EEIG2: variants seen among roughly 807,000 people sequenced by gnomAD.
EEIG2 encodes the protein family with sequence similarity 102 member B.
the EEIG2 span, chr1:108,637,897 A>C: frequency 6.6e-6 from 1 of 152,526 alleles, no homozygotes. Flanking sequence ...TTACACTCGA[A>C]TTGTTGACTC....
chr1:108,574,223 A>T, the EEIG2 span, among the ~76,000 whole-genome samples: 1 of 152,134 alleles, frequency 6.6e-6, no homozygotes, highest in East Asian at 1.9e-4. Flanking sequence ...AACATGGGTG[A>T]ACATTGAGGA....
At chr1:108,620,756 G>T in the EEIG2 span, among the ~76,000 whole-genome samples, 1 of 151,954 alleles carries the variant, frequency 6.6e-6, no homozygotes, top group Non-Finnish European at 1.5e-5. Context: ...ATTCTTCCAG[G>T]GTCCCAGGAT....
the EEIG2 span, among the ~76,000 whole-genome samples, chr1:108,608,744 G>A: frequency 6.6e-6 from 1 of 152,186 alleles, no homozygotes; most frequent in Non-Finnish European, 1.5e-5. Flanking sequence ...AATAGGGGCT[G>A]TCTTAGTTAG....
the EEIG2 span, among the ~76,000 whole-genome samples, chr1:108,604,553 G>A: frequency 6.6e-6 from 1 of 152,170 alleles, no homozygotes; most frequent in Non-Finnish European, 1.5e-5. Context: ...CGAGAGTGAG[G>A]AGTTGCCAGT....
chr1:108,613,157 C>A, the EEIG2 span, among the ~76,000 whole-genome samples: 1 of 152,156 alleles, frequency 6.6e-6, no homozygotes, highest in African/African-American at 2.4e-5. Flanking sequence ...GGAAAATGTT[C>A]AGAAGACAAG....
At chr1:108,635,273 G>C in the EEIG2 span, 1 of 1,314,068 alleles carries the variant, frequency 7.6e-7, no homozygotes, top group African/African-American at 1.5e-5. Flanking sequence ...AGCCAATGCT[G>C]GTTTCTTCTC....
the EEIG2 span, among the ~76,000 whole-genome samples, chr1:108,618,700 G>A: frequency 2.6e-5 from 4 of 152,036 alleles, no homozygotes; most frequent in African/African-American, 4.8e-5. Context: ...AAAATCAGGC[G>A]TGGTGATGCA....
At chr1:108,625,772 CTCTGTGTGTGTG>C in the EEIG2 span, 69 of 109,394 alleles carry the variant, frequency 6.3e-4, 1 homozygote, top group South Asian at 5.3e-3. Context: ...CTCTCTCTCT[CTCTGTGTGTGTG>C]TGTGTGTGTG....
the EEIG2 span, among the ~76,000 whole-genome samples, chr1:108,603,896 G>C: frequency 6.6e-6 from 1 of 152,216 alleles, no homozygotes; most frequent in East Asian, 1.9e-4. Flanking sequence ...ACTGAAGAGA[G>C]CATTGGTAAA....
the EEIG2 span, among the ~76,000 whole-genome samples, chr1:108,562,458 C>T: frequency 6.6e-6 from 1 of 152,108 alleles, no homozygotes; most frequent in African/African-American, 2.4e-5. Flanking sequence ...AACCAAAAAG[C>T]CATATAGTAT....
chr1:108,628,542 A>T, the EEIG2 span: 1 of 1,613,774 alleles, frequency 6.2e-7, no homozygotes, highest in African/African-American at 1.3e-5. Flanking sequence ...CCAAATCTTG[A>T]TACAGCTGAT....
At chr1:108,618,596 T>C in the EEIG2 span, among the ~76,000 whole-genome samples, 1 of 151,994 alleles carries the variant, frequency 6.6e-6, no homozygotes, top group African/African-American at 2.4e-5. Context: ...AGCTGTAACT[T>C]AGAAAGCAAC....
At chr1:108,560,482 C>G in the EEIG2 span, 5 of 1,613,336 alleles carry the variant, frequency 3.1e-6, no homozygotes, top group African/African-American at 5.3e-5. Flanking sequence ...TCGAGGAGCT[C>G]TCCTCAGTGC....
At chr1:108,623,814 G>C in the EEIG2 span, among the ~76,000 whole-genome samples, 1 of 152,024 alleles carries the variant, frequency 6.6e-6, no homozygotes, top group Non-Finnish European at 1.5e-5. Flanking sequence ...TGGGACTACA[G>C]ATGCATGCCA....
chr1:108,634,164 A>G, the EEIG2 span, among the ~76,000 whole-genome samples: 2 of 152,156 alleles, frequency 1.3e-5, no homozygotes, highest in Admixed American at 1.3e-4. Flanking sequence ...ACATATTTAA[A>G]AGGGCATCTA....
chr1:108,613,198 C>T, the EEIG2 span, among the ~76,000 whole-genome samples: 2 of 152,202 alleles, frequency 1.3e-5, no homozygotes. Flanking sequence ...ACAATATAAA[C>T]TTCTGTACAC....
chr1:108,631,361 CAGAGCTGAGTGG>C, the EEIG2 span, among the ~76,000 whole-genome samples: 1 of 152,344 alleles, frequency 6.6e-6, no homozygotes, highest in East Asian at 1.9e-4. Context: ...GCTACAGTAG[CAGAGCTGAGTGG>C]TGCAGCAGAG....
the EEIG2 span, chr1:108,560,579 C>T: frequency 1.9e-6 from 3 of 1,606,286 alleles, no homozygotes; most frequent in Non-Finnish European, 2.5e-6. Flanking sequence ...ACTCGCCTCC[C>T]GCGCCGCCTC....
the EEIG2 span, among the ~76,000 whole-genome samples, chr1:108,580,084 G>A: frequency 1.3e-5 from 2 of 152,186 alleles, no homozygotes; most frequent in South Asian, 4.1e-4. Context: ...TTTTCCAACA[G>A]TGTGAGCTCA....
Sources: gnomAD v4.1 joint callset for allele counts (sites outside exome capture counted in the v4.1 genomes callset) on GRCh38, gnomAD v4.1.1 for gene constraint, MANE v1.5 for transcripts, NCBI Gene and HGNC (gene_info 2026-07-23, HGNC 2026-07-21) for gene names.